CACNA1C: variants seen among roughly 807,000 people sequenced by gnomAD.
The protein encoded by CACNA1C is voltage-dependent L-type calcium channel subunit alpha-1C.
A neutral mutation model predicts 229.0 loss-of-function variants in CACNA1C; 30 were observed. The observed-to-expected ratio is 0.13, with a 90% CI of 0.10 to 0.18. The LOEUF (loss-of-function observed/expected upper bound fraction) is 0.18. Ranked by LOEUF, CACNA1C falls within the 10% of genes least tolerant of loss-of-function variation. The pLI is 1.00. For synonymous variants in CACNA1C, 1,114 were observed against 1,132.5 expected, an observed-to-expected ratio of 0.98 and a Z score of 0.33; for missense variants, 1,658 against 2,845.0, an observed-to-expected ratio of 0.58 and a Z score of 9.49.
Position 2,585,732 on chromosome 12 carries a change from G to A in CACNA1C, c.2461-103G>A. 1.0e-6 allele frequency: 1 copy of A among 966,042 alleles called. No individual in the cohort carries two copies. The highest frequency in any genetic ancestry group is 1.6e-6 in the Non-Finnish European group (1 of 613,592). The allele number at this position is 966,042 out of a possible 1,614,324, so 59.8% of individuals were successfully genotyped here. A position where few individuals can be genotyped will look rare whatever the true frequency, so the allele number is the denominator to read the frequency against. On this transcript the variant is annotated intron_variant, in intron 17 of 46. Coordinates refer to ENST00000399655, the MANE Select transcript of CACNA1C (RefSeq NM_000719.7). The surrounding 1 kb of genome is among the most constrained non-coding windows in gnomAD (Gnocchi z 4.1). Reference sequence around the variant, plus strand: ...TGCAAAGTGACAAGTACCTATTTTTGAGCTAAGTCACTGACTAAAATGCAA... The same window carrying A: ...TGCAAAGTGACAAGTACCTATTTTTAAGCTAAGTCACTGACTAAAATGCAA...
intron 30 of CACNA1C, among the ~76,000 whole-genome samples, chr12:2,638,935 T>C (rs941903386): frequency 6.6e-6 from 1 of 152,068 alleles, no homozygotes; most frequent in Non-Finnish European, 1.5e-5. Flanking sequence ...CACAACAAGA[T>C]GGTACCCAAA....
At chr12:2,508,441 G>A (rs1448882930) in intron 8 of CACNA1C, among the ~76,000 whole-genome samples, 2 of 152,232 alleles carry the variant, frequency 1.3e-5, no homozygotes, top group Non-Finnish European at 2.9e-5. Context: ...TGCGAAGCTA[G>A]GAGTTTGAGA....
intron 8 of CACNA1C, among the ~76,000 whole-genome samples, chr12:2,511,857 C>G (rs1244761038): frequency 6.6e-6 from 1 of 152,102 alleles, no homozygotes; most frequent in Non-Finnish European, 1.5e-5. Context: ...ATTCTTCCAG[C>G]AAATCCCACC....
intron 9 of CACNA1C, among the ~76,000 whole-genome samples, chr12:2,526,577 T>C (rs1452572966): frequency 6.6e-6 from 1 of 152,230 alleles, no homozygotes; most frequent in African/African-American, 2.4e-5. Flanking sequence ...ACTCTCCTCC[T>C]CCTGCACCCA....
In CACNA1C at chr12:2,605,273, G is replaced by A; in HGVS notation, c.3048+105G>A. On this transcript the variant is annotated intron_variant, in intron 23 of 46. Transcript: ENST00000399655. This position sits in a 1 kb window ranked among gnomAD's most constrained non-coding sequence, Gnocchi z 6.2. ...GAAGGAGATGATGGTCAGACCAAGT[G>A]GCTGCCATGTGGGGTCCCGGACACT... The A allele has an allele frequency of 1.3e-6, 1 of 766,826 alleles. No individual in the cohort carries two copies. The highest frequency in any genetic ancestry group is 2.3e-6 in the Non-Finnish European group (1 of 443,528). 47.5% of individuals were successfully genotyped at this position (766,826 alleles called of 1,614,324 possible).
At chr12:2,066,937 G>A (rs950719059) in intron 1 of CACNA1C, among the ~76,000 whole-genome samples, 5 of 152,106 alleles carry the variant, frequency 3.3e-5, no homozygotes, top group Admixed American at 1.3e-4. Flanking sequence ...GCCTGAGCTT[G>A]AGGAGACCGG....
At chr12:2,094,671 G>C (rs2073017014) in intron 1 of CACNA1C, among the ~76,000 whole-genome samples, 1 of 152,184 alleles carries the variant, frequency 6.6e-6, no homozygotes, top group African/African-American at 2.4e-5. Flanking sequence ...CTGCTTAGTG[G>C]GAAAGGGAGG....
At chr12:2,297,040 C>T (rs777297933) in intron 3 of CACNA1C, among the ~76,000 whole-genome samples, 9 of 152,188 alleles carry the variant, frequency 5.9e-5, no homozygotes, top group Admixed American at 1.3e-4. Context: ...GGGTATAACC[C>T]TCTCTTAGTT....
At chr12:2,399,272 A>G (rs1345468036) in intron 3 of CACNA1C, among the ~76,000 whole-genome samples, 1 of 152,162 alleles carries the variant, frequency 6.6e-6, no homozygotes, top group East Asian at 1.9e-4. Context: ...CCATCCGTGG[A>G]TGACTAAATG....
chr12:2,634,556 C>CT lies in CACNA1C; in HGVS notation c.3912+189dup, dbSNP rs57723819. 0.25 allele frequency among the ~76,000 whole-genome samples: 33,476 copies of CT among 133,158 alleles called. 4,142 individuals are homozygous for CT. Among genetic ancestry groups the CT allele is most frequent in the Middle Eastern group, 0.42 (109 of 258 alleles). The allele number at this position is 133,158 out of a possible 152,430, so 87.4% of individuals were successfully genotyped here. A position where few individuals can be genotyped will look rare whatever the true frequency, so the allele number is the denominator to read the frequency against. The stretch of plus-strand genomic sequence containing the variant: ...TTTCCTTGTTGCTTTATTTTGAAAT[C>CT]TTTTTTTTTTTTTAACTTTGGAACG... On this transcript the variant is annotated intron_variant, in intron 30 of 46. Coordinates refer to ENST00000399655, the MANE Select transcript of CACNA1C (RefSeq NM_000719.7).
intron 3 of CACNA1C, among the ~76,000 whole-genome samples, chr12:2,341,038 G>A (rs2096847930): frequency 2.0e-5 from 3 of 152,234 alleles, no homozygotes; most frequent in African/African-American, 7.2e-5. Context: ...CCTAGGGGGA[G>A]TGGACATGAA....
At chr12:2,652,707 C>T (rs1370104479) in intron 32 of CACNA1C, among the ~76,000 whole-genome samples, 2 of 152,224 alleles carry the variant, frequency 1.3e-5, no homozygotes, top group African/African-American at 2.4e-5. Flanking sequence ...CCAAGGCTCT[C>T]GAGGGAGCTC....
rs939874830 is a variant in CACNA1C, at chr12:2,209,358, G to T, written c.477+88928G>T. Among the ~76,000 whole-genome samples the T allele has an allele frequency of 2.0e-5, 3 of 152,278 alleles. No homozygotes were observed. The South Asian group carries it at 6.2e-4, about 32-fold the overall frequency. On this transcript the variant is annotated intron_variant, in intron 3 of 46. Coordinates refer to ENST00000399655, the MANE Select transcript of CACNA1C (RefSeq NM_000719.7). ...AGGAGTGGGAAGGGGTATGTTCGAC[G>T]GTTGTAATAGTAAGAAACTCACGGG...
Position 2,678,376 on chromosome 12 carries a change from C to T in CACNA1C, c.5091+509C>T, listed in dbSNP as rs901683482. 4.6e-5 allele frequency among the ~76,000 whole-genome samples: 7 copies of T among 152,166 alleles called. No individual in the cohort carries two copies. Among genetic ancestry groups the T allele is most frequent in the Non-Finnish European group, 8.8e-5 (6 of 68,024 alleles). ...TGTGTTCTCCAGGTCTCCAAGACCC[C>T]TCCAGAACTCCCCTTTCCCTCTCCT... On this transcript the variant is annotated intron_variant, in intron 41 of 46. Transcript: ENST00000399655. The surrounding 1 kb of genome is among the most constrained non-coding windows in gnomAD (Gnocchi z 4.1).
chr12:1,989,809 C>G (rs1398279774), intron 1 of CACNA1C, among the ~76,000 whole-genome samples: 5 of 152,176 alleles, frequency 3.3e-5, no homozygotes, highest in Non-Finnish European at 7.3e-5. Context: ...ATGCTAATAT[C>G]TTATTTAGTT....
chr12:2,004,424 G>A, intron 1 of CACNA1C: 1 of 1,609,328 alleles, frequency 6.2e-7, no homozygotes, highest in Non-Finnish European at 8.5e-7. Context: ...TGCCGCCACG[G>A]CTGCCATCTT....
chr12:2,536,962 A>C (rs1016925499), intron 9 of CACNA1C, among the ~76,000 whole-genome samples: 1 of 152,256 alleles, frequency 6.6e-6, no homozygotes, highest in African/African-American at 2.4e-5. Flanking sequence ...GTGAGGTCAC[A>C]TAGCTCCAAG....
intron 3 of CACNA1C, among the ~76,000 whole-genome samples, chr12:2,445,848 A>G (rs2099272104): frequency 6.6e-6 from 1 of 152,050 alleles, no homozygotes; most frequent in South Asian, 2.1e-4. Flanking sequence ...GGGCCCTCAG[A>G]GCCTTCAGGA....
At chr12:2,231,783 G>A (rs1419292674) in intron 3 of CACNA1C, among the ~76,000 whole-genome samples, 2 of 152,126 alleles carry the variant, frequency 1.3e-5, no homozygotes, top group African/African-American at 4.8e-5. Flanking sequence ...GCTAGACTGT[G>A]CACTAGCACT....
Sources: allele counts gnomAD v4.1 joint callset (sites outside exome capture counted in the v4.1 genomes callset), GRCh38; gene constraint gnomAD v4.1.1; non-coding constraint Gnocchi (gnomAD v3.1); transcripts MANE v1.5; gene names NCBI Gene and HGNC (gene_info 2026-07-23, HGNC 2026-07-21).